The following PHF24 variants were observed in gnomAD, a reference collection of about 807,000 sequenced individuals.
PHF24 encodes the protein Galpha inhibitory interacting protein.
In PHF24, 25 loss-of-function variants were observed where a neutral mutation model predicts 42.6. The ratio of observed to expected loss-of-function variants is 0.59; its 90% CI spans 0.43 to 0.82. The LOEUF (loss-of-function observed/expected upper bound fraction) is 0.82, where lower values mean the gene tolerates loss of function less well. Among genes scored for constraint, PHF24 ranks in the 40% least tolerant of loss-of-function variants. The pLI is 0.00. For missense variants in PHF24, 470 were observed against 538.1 expected, an observed-to-expected ratio of 0.87 and a Z score of 1.25; for synonymous variants, 185 against 204.8, an observed-to-expected ratio of 0.90 and a Z score of 0.83.
At chr9:34,973,795 A>T (rs1827091155) in intron 3 of PHF24, among the ~76,000 whole-genome samples, 1 of 151,988 alleles carries the variant, frequency 6.6e-6, no homozygotes, top group Non-Finnish European at 1.5e-5. Flanking sequence ...CCATCCTTTC[A>T]TCTCGGCCAC....
At chr9:34,936,009 G>GAGTCTC in the PHF24 span, among the ~76,000 whole-genome samples, 1 of 150,282 alleles carries the variant, frequency 6.7e-6, no homozygotes, top group Non-Finnish European at 1.5e-5. Flanking sequence ...AAAAAAAATT[G>GAGTCTC]AGTCTCCCTC....
chr9:34,869,657 CAT>C, the PHF24 span, among the ~76,000 whole-genome samples: 4 of 152,112 alleles, frequency 2.6e-5, no homozygotes, highest in East Asian at 1.9e-4. Flanking sequence ...CACACACACA[CAT>C]ACACACTGCC....
At chr9:34,690,952 C>G in the PHF24 span, 2 of 699,422 alleles carry the variant, frequency 2.9e-6, no homozygotes, top group Admixed American at 3.1e-5. Flanking sequence ...ACCTGCCAGG[C>G]TCACCGAAAT....
the PHF24 span, among the ~76,000 whole-genome samples, chr9:34,912,741 C>T: frequency 6.6e-6 from 1 of 152,204 alleles, no homozygotes; most frequent in Non-Finnish European, 1.5e-5. Flanking sequence ...CAACAACCAA[C>T]ATTCTGCAGA....
At chr9:34,724,046 G>A in the PHF24 span, 29 of 1,523,758 alleles carry the variant, frequency 1.9e-5, no homozygotes, top group Non-Finnish European at 2.3e-5. Context: ...CCCAAACCCC[G>A]CATCCCCTTC....
the PHF24 span, among the ~76,000 whole-genome samples, chr9:34,740,417 G>A: frequency 3.9e-4 from 60 of 152,342 alleles, no homozygotes; most frequent in East Asian, 7.7e-4. Flanking sequence ...GAAATCGAGC[G>A]CAGCGCCGGT....
At chr9:34,901,178 A>G in the PHF24 span, among the ~76,000 whole-genome samples, 1 of 151,652 alleles carries the variant, frequency 6.6e-6, no homozygotes, top group African/African-American at 2.4e-5. Context: ...TGAGTATGAA[A>G]TAATACCAAT....
chr9:34,962,082 G>T (rs981642954), intron 1 of PHF24, among the ~76,000 whole-genome samples: 2 of 152,168 alleles, frequency 1.3e-5, no homozygotes, highest in Non-Finnish European at 2.9e-5. Context: ...ACTGGTCAGC[G>T]CTGGAACTTA....
At chr9:34,781,612 A>G in the PHF24 span, among the ~76,000 whole-genome samples, 1 of 152,226 alleles carries the variant, frequency 6.6e-6, no homozygotes, top group Admixed American at 6.5e-5. Context: ...TATGTTATCT[A>G]TCATCACCAC....
the PHF24 span, among the ~76,000 whole-genome samples, chr9:34,879,869 G>A: frequency 6.6e-6 from 1 of 152,046 alleles, no homozygotes; most frequent in African/African-American, 2.4e-5. Flanking sequence ...GATACTCCTC[G>A]AGAAGAGCAA....
the PHF24 span, chr9:34,889,565 A>G: frequency 1.0e-5 from 4 of 398,518 alleles, no homozygotes; most frequent in Non-Finnish European, 1.8e-5. Flanking sequence ...CATGCCTTCG[A>G]TCTTTCATTT....
chr9:34,685,555 A>G, the PHF24 span, among the ~76,000 whole-genome samples: 1 of 152,032 alleles, frequency 6.6e-6, no homozygotes, highest in Non-Finnish European at 1.5e-5. Flanking sequence ...CCCCAACTAG[A>G]CTTCCCAGCC....
At chr9:34,814,306 G>A in the PHF24 span, among the ~76,000 whole-genome samples, 5 of 152,090 alleles carry the variant, frequency 3.3e-5, no homozygotes, top group Admixed American at 6.6e-5. Flanking sequence ...ACTAATCACC[G>A]TTGAGAGAGG....
At chr9:34,739,313 T>C in the PHF24 span, among the ~76,000 whole-genome samples, 4 of 152,212 alleles carry the variant, frequency 2.6e-5, no homozygotes, top group Non-Finnish European at 4.4e-5. Context: ...GGTTGGAACA[T>C]AAATTGGAAC....
intron 6 of PHF24, 56 bp downstream of exon 6, chr9:34,977,299 G>T: frequency 1.3e-6 from 2 of 1,528,448 alleles, no homozygotes; most frequent in Non-Finnish European, 1.8e-6. Context: ...CCTTTTCCAT[G>T]CCAGTGGCCC....
chr9:34,963,258 G>GT (rs55701555), intron 1 of PHF24, among the ~76,000 whole-genome samples: 3,736 of 117,052 alleles, frequency 0.032, 72 homozygotes, highest in Non-Finnish European at 0.048. Context: ...CTTTTTGATG[G>GT]TTTTTTTTTT....
At chr9:34,965,819 A>C (rs1159385285) in intron 1 of PHF24, among the ~76,000 whole-genome samples, 1 of 152,262 alleles carries the variant, frequency 6.6e-6, no homozygotes, top group Non-Finnish European at 1.5e-5. Flanking sequence ...AAGCATCTGA[A>C]AAAGCCAAAA....
chr9:34,745,564 T>C, the PHF24 span, among the ~76,000 whole-genome samples: 11 of 151,720 alleles, frequency 7.3e-5, no homozygotes, highest in African/African-American at 2.2e-4. Context: ...ACTAAGAGTA[T>C]ATAACCATGG....
At chr9:34,886,818 G>GTATCTATC in the PHF24 span, among the ~76,000 whole-genome samples, 2 of 129,252 alleles carry the variant, frequency 1.5e-5, no homozygotes, top group East Asian at 4.6e-4. Context: ...ATCTATCTAT[G>GTATCTATC]TATCTATGTA....
Sources: gnomAD v4.1 joint callset for allele counts (sites outside exome capture counted in the v4.1 genomes callset) on GRCh38, gnomAD v4.1.1 for gene constraint, MANE v1.5 for transcripts, NCBI Gene and HGNC (gene_info 2026-07-23, HGNC 2026-07-21) for gene names.